The following RBMS1 variants were observed in gnomAD, a reference collection of about 807,000 sequenced individuals.
RBMS1 encodes the protein RNA-binding motif, single-stranded-interacting protein 1.
A neutral mutation model predicts 62.3 loss-of-function variants in RBMS1; 17 were observed. The observed-to-expected ratio is 0.27, with a 90% CI of 0.19 to 0.41. RBMS1 has a LOEUF of 0.41. Ranked by LOEUF, RBMS1 falls within the 10% of genes least tolerant of loss-of-function variation. The probability of loss-of-function intolerance (pLI) is 1.00; values close to 1 mark genes in which losing one functional copy is unlikely to be tolerated. For synonymous variants in RBMS1, 172 were observed against 170.0 expected (o/e 1.01, Z -0.09); for missense variants, 334 against 504.5 (o/e 0.66, Z 3.24).
intron 4 of RBMS1, among the ~76,000 whole-genome samples, chr2:160,309,659 G>C (rs1200045685): frequency 2.0e-5 from 3 of 152,180 alleles, no homozygotes; most frequent in African/African-American, 7.2e-5. Flanking sequence ...GATGGAGTTG[G>C]TTAAAGACCT....
intron 1 of RBMS1, among the ~76,000 whole-genome samples, chr2:160,457,293 G>A (rs1056783448): frequency 3.9e-5 from 6 of 152,028 alleles, no homozygotes; most frequent in African/African-American, 1.4e-4. Context: ...ACCACGCCCA[G>A]CTAATTTTGT....
At chr2:160,484,219 G>A (rs1163779506) in intron 1 of RBMS1, among the ~76,000 whole-genome samples, 7 of 152,140 alleles carry the variant, frequency 4.6e-5, no homozygotes, top group East Asian at 1.9e-4. Context: ...GCCATAGGCC[G>A]GCGCGGTGGC....
At chr2:160,351,898 C>T (rs1420340034) in intron 2 of RBMS1, among the ~76,000 whole-genome samples, 1 of 152,114 alleles carries the variant, frequency 6.6e-6, no homozygotes, top group Non-Finnish European at 1.5e-5. Flanking sequence ...GAAACATTTG[C>T]TTCTACCTCT....
chr2:160,424,531 G>T (rs1696567964), intron 1 of RBMS1, among the ~76,000 whole-genome samples: 2 of 152,180 alleles, frequency 1.3e-5, no homozygotes, highest in South Asian at 4.1e-4. Flanking sequence ...CATTTCCAAA[G>T]TGCAGGGGAA....
chr2:160,493,186 G>A, intron 1 of RBMS1, 103 bp downstream of exon 1: 1 of 1,135,540 alleles, frequency 8.8e-7, no homozygotes, highest in Non-Finnish European at 1.3e-6. Context: ...ACTCCGCCCG[G>A]CGGTGGCGGG....
intron 1 of RBMS1, among the ~76,000 whole-genome samples, chr2:160,429,742 G>A (rs941509223): frequency 6.6e-6 from 1 of 152,204 alleles, no homozygotes; most frequent in Non-Finnish European, 1.5e-5. Context: ...CTTTCAAGCT[G>A]TATTTAATAA....
chr2:160,366,577 G>A (rs1278039994), intron 2 of RBMS1, among the ~76,000 whole-genome samples: 4 of 152,188 alleles, frequency 2.6e-5, no homozygotes, highest in East Asian at 3.8e-4. Flanking sequence ...TAGTGTAATT[G>A]CAGCAAAGAA....
chr2:160,485,369 A>T (rs991108699), intron 1 of RBMS1, among the ~76,000 whole-genome samples: 8 of 152,202 alleles, frequency 5.3e-5, no homozygotes, highest in Non-Finnish European at 1.0e-4. Context: ...AAGAAAGCAA[A>T]GACGAGTTCC....
At chr2:160,367,166 G>C in intron 2 of RBMS1, 50 bp downstream of exon 2, 1 of 1,556,260 alleles carries the variant, frequency 6.4e-7, no homozygotes. Flanking sequence ...TCTATAATAT[G>C]ATCAAGAAAA....
intron 2 of RBMS1, among the ~76,000 whole-genome samples, chr2:160,343,202 C>G (rs1559413112): frequency 6.6e-6 from 1 of 152,198 alleles, no homozygotes; most frequent in Non-Finnish European, 1.5e-5. Flanking sequence ...CACTGAATCT[C>G]AGGCAAACAG....
At chr2:160,281,283 A>G in intron 10 of RBMS1, 31 bp downstream of exon 10, 1 of 1,559,606 alleles carries the variant, frequency 6.4e-7, no homozygotes, top group Non-Finnish European at 8.8e-7. Context: ...CTTACTTGTA[A>G]AACACAAAGT....
chr2:160,432,594 C>G (rs1682945202), intron 1 of RBMS1: 1 of 152,182 alleles, frequency 6.6e-6, no homozygotes, highest in Admixed American at 6.5e-5. Context: ...TAACTCCTTG[C>G]AGCAATAATA....
At chr2:160,316,410 A>G (rs1395996783) in intron 3 of RBMS1, among the ~76,000 whole-genome samples, 1 of 152,180 alleles carries the variant, frequency 6.6e-6, no homozygotes, top group East Asian at 1.9e-4. Context: ...CTTTAAAGGA[A>G]GGTCTCCAGG....
At chr2:160,445,280 A>G (rs1446918973) in intron 1 of RBMS1, among the ~76,000 whole-genome samples, 1 of 152,200 alleles carries the variant, frequency 6.6e-6, no homozygotes, top group African/African-American at 2.4e-5. Flanking sequence ...TCTTTGCAAA[A>G]GAAACATAAA....
chr2:160,346,425 A>C (rs985415321), intron 2 of RBMS1, among the ~76,000 whole-genome samples: 4 of 152,058 alleles, frequency 2.6e-5, no homozygotes, highest in African/African-American at 9.7e-5. Flanking sequence ...GTTTATCAAA[A>C]TGGTATAAAA....
At chr2:160,402,637 C>G (rs1247325234) in intron 1 of RBMS1, among the ~76,000 whole-genome samples, 1 of 152,154 alleles carries the variant, frequency 6.6e-6, no homozygotes, top group East Asian at 1.9e-4. Context: ...CATCTGAAAT[C>G]TGGACACTGT....
chr2:160,353,337 G>C (rs1372402643), intron 2 of RBMS1, among the ~76,000 whole-genome samples: 2 of 152,054 alleles, frequency 1.3e-5, no homozygotes, highest in Non-Finnish European at 2.9e-5. Context: ...ACTGGGTGGG[G>C]CCTGTCACCT....
At chr2:160,453,790 C>T (rs1469337106) in intron 1 of RBMS1, among the ~76,000 whole-genome samples, 7 of 152,172 alleles carry the variant, frequency 4.6e-5, no homozygotes, top group Non-Finnish European at 8.8e-5. Flanking sequence ...CACTCTTCTC[C>T]TTACCCACCC....
intron 1 of RBMS1, among the ~76,000 whole-genome samples, chr2:160,475,414 G>A (rs999198368): frequency 1.3e-5 from 2 of 152,156 alleles, no homozygotes; most frequent in African/African-American, 4.8e-5. Flanking sequence ...GGTCCACATG[G>A]GCTTAGTCCT....
Sources: allele counts gnomAD v4.1 joint callset (sites outside exome capture counted in the v4.1 genomes callset), GRCh38; gene constraint gnomAD v4.1.1; transcripts MANE v1.5; gene names NCBI Gene and HGNC (gene_info 2026-07-23, HGNC 2026-07-21).